Variants in DYNC2H1 observed in about 807,000 individuals in gnomAD.
DYNC2H1 encodes dynein cytoplasmic 2 heavy chain 1, also known as cytoplasmic dynein 2 heavy chain 1.
Under a neutral mutation model 570.0 loss-of-function variants are expected in DYNC2H1, and 410 were observed. The observed-to-expected ratio is 0.72, with a 90% confidence interval of 0.66 to 0.78. The LOEUF (loss-of-function observed/expected upper bound fraction) is 0.78, where lower values mean the gene tolerates loss of function less well. DYNC2H1 is among the 30% of genes least tolerant of loss of function. The pLI, the probability that DYNC2H1 is intolerant of heterozygous loss-of-function variation, is 0.00. For synonymous variants in DYNC2H1, 1,688 were observed against 1,677.6 expected, an observed-to-expected ratio of 1.01 and a Z score of -0.15; for missense variants, 4,865 against 5,046.4, an observed-to-expected ratio of 0.96 and a Z score of 1.09.
At chr11:103,342,406 G>C (rs1465817380) in intron 82 of DYNC2H1, among the ~76,000 whole-genome samples, 1 of 152,106 alleles carries the variant, frequency 6.6e-6, no homozygotes, top group Admixed American at 6.5e-5. Context: ...ACCCCAGCCA[G>C]CTGCAGCAAG....
chr11:103,316,821 T>A (rs1010631396), intron 80 of DYNC2H1, among the ~76,000 whole-genome samples: 8 of 151,104 alleles, frequency 5.3e-5, no homozygotes, highest in African/African-American at 1.9e-4. Flanking sequence ...TTCTTCTTTC[T>A]GGGAGCAGAA....
intron 82 of DYNC2H1, among the ~76,000 whole-genome samples, chr11:103,356,477 AT>A (rs751688889): frequency 2.8e-4 from 42 of 151,866 alleles, no homozygotes; most frequent in Non-Finnish European, 5.4e-4. Flanking sequence ...GCACAAAAAA[AT>A]TTGCACTCTT....
In DYNC2H1 at chr11:103,120,736, T is replaced by G; in HGVS notation, c.1182T>G (p.Pro394=). 6.2e-7 allele frequency: 1 copy of G among 1,607,346 alleles called. No individual in the cohort carries two copies. The highest frequency in any genetic ancestry group is 1.3e-5 in the African/African-American group (1 of 74,880). ...CTCAATATGAAAAGATTATTGCACC[T>G]GCGGAACAAAAAATAGCAGGAAAAT... is the stretch of plus-strand genomic sequence containing the variant. ...AVSQYEKIIA[P]AEQKIAGKLK... is the part of the protein sequence containing the mutation. Residue 394 remains proline (P), a synonymous_variant, in exon 8 of 89, where the codon CCT becomes CCG. Coordinates refer to ENST00000375735, the MANE Select transcript of DYNC2H1 (RefSeq NM_001377.3).
Position 103,158,717 on chromosome 11 carries a change from A to G in DYNC2H1, c.4168A>G (p.Thr1390Ala), listed in dbSNP as rs925989421. 14 of 1,530,654 alleles carry G rather than the reference A, an allele frequency of 9.1e-6. No individual in the cohort carries two copies. The highest frequency in any genetic ancestry group is 2.0e-5 in the Admixed American group (1 of 50,560). 94.8% of individuals were successfully genotyped at this position (1,530,654 alleles called of 1,614,324 possible). The stretch of plus-strand genomic sequence containing the variant: ...TATCAAGAAAGACAATAGAGTCACA[A>G]CATTAACTACTCATGCTGGAATAAG... ...TDIKKDNRVT[T>A]LTTHAGIRNS... Residue 1390 changes from threonine to alanine, a missense_variant, in exon 27 of 89, where the codon ACA becomes GCA. Around this residue, in one of 5 missense-constraint regions of DYNC2H1, gnomAD observed 1,936 missense variants for 1,962.1 expected, o/e 0.99. Transcript: ENST00000375735.
intron 59 of DYNC2H1, among the ~76,000 whole-genome samples, chr11:103,223,663 G>T (rs963574483): frequency 6.6e-6 from 1 of 152,076 alleles, no homozygotes. Flanking sequence ...TGGGATTACA[G>T]GTGTGGACCA....
chr11:103,384,715 C>T (rs996417377), intron 83 of DYNC2H1, among the ~76,000 whole-genome samples: 7 of 152,078 alleles, frequency 4.6e-5, no homozygotes, highest in Non-Finnish European at 7.4e-5. Context: ...ACTTTATATG[C>T]AGTTATGATT....
intron 38 of DYNC2H1, 43 bp from the exon 39 acceptor site, chr11:103,178,983 C>A: frequency 3.9e-6 from 6 of 1,529,744 alleles, no homozygotes; most frequent in Non-Finnish European, 5.4e-6. Context: ...ATTATCACTG[C>A]ATATATTTTT....
Position 103,455,191 on chromosome 11 carries a change from G to A in DYNC2H1, c.12462G>A (p.Trp4154Ter), listed in dbSNP as rs1047872625. 5 of 1,612,308 alleles carry A rather than the reference G, an allele frequency of 3.1e-6. No homozygotes were observed. The highest frequency in any genetic ancestry group is 4.2e-6 in the Non-Finnish European group (5 of 1,178,836). The change falls in exon 86 of 89, where the codon TGG becomes TGA. Residue 4154 changes from tryptophan to a stop codon, truncating the protein, a stop_gained. Transcript: ENST00000375735. LOFTEE classifies it high-confidence loss of function. ...LVARALAIQN[W>*]VDKAEKQALL... Reference sequence around the variant, plus strand: ...TCATATTTCCCCCCCTCTAGAACTGGGTAGATAAAGCTGAAAAACAGGCTC... The same window carrying A: ...TCATATTTCCCCCCCTCTAGAACTGAGTAGATAAAGCTGAAAAACAGGCTC...
At chr11:103,282,921 A>C (rs899369215) in intron 72 of DYNC2H1, 87 bp from the exon 73 acceptor site, 9 of 990,692 alleles carry the variant, frequency 9.1e-6, no homozygotes, top group Non-Finnish European at 1.3e-5. Flanking sequence ...AATTTTTTTC[A>C]AAATAATAAA....
rs1337726646 is a variant in DYNC2H1 at position 103,133,041 on chromosome 11, A to T, written c.1954-514A>T. On this transcript the variant is annotated intron_variant, in intron 13 of 88. Transcript: ENST00000375735. This position sits in a 1 kb window ranked among gnomAD's most constrained non-coding sequence, Gnocchi z 4.8. ...GTGATGGAAGATCAGCTTTTTACTT[A>T]GTCCCACTGAAACATTAGAAAGGGG... is the stretch of plus-strand genomic sequence containing the variant. 6.6e-6 allele frequency among the ~76,000 whole-genome samples: 1 copy of T among 152,186 alleles called. No homozygotes were observed. The highest frequency in any genetic ancestry group is 1.9e-4 in the East Asian group (1 of 5,190).
chr11:103,359,570 T>C (rs1940529730), intron 83 of DYNC2H1, among the ~76,000 whole-genome samples: 1 of 152,152 alleles, frequency 6.6e-6, no homozygotes, highest in African/African-American at 2.4e-5. Context: ...TTCAAAGGCT[T>C]ACATGTAGAT....
intron 82 of DYNC2H1, among the ~76,000 whole-genome samples, chr11:103,349,085 C>T (rs567431001): frequency 2.2e-4 from 33 of 152,204 alleles, no homozygotes; most frequent in African/African-American, 6.5e-4. Context: ...TTTATAGCAG[C>T]GTGAGAATGG....
At chr11:103,291,928 T>G (rs1866617199) in intron 75 of DYNC2H1, among the ~76,000 whole-genome samples, 1 of 152,206 alleles carries the variant, frequency 6.6e-6, no homozygotes, top group African/African-American at 2.4e-5. Flanking sequence ...CTCTTCATTT[T>G]CAGTCTATAT....
chr11:103,327,162 T>TCCATCCACTCTCGGTAGTGTTTTCTTCC (rs1938542825), intron 82 of DYNC2H1, among the ~76,000 whole-genome samples: 1 of 151,880 alleles, frequency 6.6e-6, no homozygotes, highest in Non-Finnish European at 1.5e-5. Context: ...GCGTCACTTC[T>TCCATCCACTCTCGGTAGTGTTTTCTTCC]CCATCCACTC....
Position 103,176,258 on chromosome 11 carries a change from C to A in DYNC2H1, c.5698C>A (p.Gln1900Lys). The change falls in exon 37 of 89, where the codon CAA becomes AAA. Residue 1900 changes from glutamine to lysine, a missense_variant. Around this residue, in one of 5 missense-constraint regions of DYNC2H1, gnomAD observed 292 missense variants for 300.2 expected, o/e 0.97. Transcript: ENST00000375735. ...QNANESHIVV[Q>K]ALRLNTMSKF... ...AGCTAATGAAAGTCATATTGTGGTA[C>A]AAGCACTGAGGCTTAATACCATGTC... 7 of 1,520,014 alleles carry A rather than the reference C, an allele frequency of 4.6e-6. No individual in the cohort carries two copies. The highest frequency in any genetic ancestry group is 6.2e-6 in the Non-Finnish European group (7 of 1,135,576). The allele number at this position is 1,520,014 out of a possible 1,614,324, so 94.2% of individuals were successfully genotyped here.
chr11:103,354,181 C>CAAAAAAAAAAAAAAAAAA (rs71465391), intron 82 of DYNC2H1, among the ~76,000 whole-genome samples: 1 of 117,216 alleles, frequency 8.5e-6, no homozygotes. Flanking sequence ...TGTCTCAAAA[C>CAAAAAAAAAAAAAAAAAA]AAAAAAAAAA....
At chr11:103,197,400 T>C (rs1295857264) in intron 47 of DYNC2H1, among the ~76,000 whole-genome samples, 1 of 152,108 alleles carries the variant, frequency 6.6e-6, no homozygotes, top group Non-Finnish European at 1.5e-5. Flanking sequence ...CATCAGTCAC[T>C]TTTCAGGTAG....
chr11:103,142,423 AC>A (rs1241730234), intron 17 of DYNC2H1, among the ~76,000 whole-genome samples: 1 of 152,018 alleles, frequency 6.6e-6, no homozygotes, highest in Non-Finnish European at 1.5e-5. Flanking sequence ...TAATCCTGGC[AC>A]TTTGGGAGGC....
intron 17 of DYNC2H1, among the ~76,000 whole-genome samples, chr11:103,141,285 C>A (rs1028471305): frequency 6.6e-6 from 1 of 152,144 alleles, no homozygotes; most frequent in East Asian, 1.9e-4. Context: ...TGGCACTCTG[C>A]TTTTTAGAGT....
Sources: allele counts gnomAD v4.1 joint callset (sites outside exome capture counted in the v4.1 genomes callset), GRCh38; gene constraint gnomAD v4.1.1; regional missense constraint gnomAD v4.1.1; non-coding constraint Gnocchi (gnomAD v3.1); transcripts MANE v1.5; gene names NCBI Gene and HGNC (gene_info 2026-07-23, HGNC 2026-07-21).